The following LYN variants were observed in gnomAD, a reference collection of about 807,000 sequenced individuals.
LYN encodes LYN proto-oncogene, Src family tyrosine kinase, also known as tyrosine-protein kinase Lyn.
LYN carries 12 observed loss-of-function variants against 65.0 expected under a neutral mutation model. The observed-to-expected ratio is 0.18, with a 90% CI of 0.12 to 0.30. LYN has a LOEUF of 0.30. Among genes scored for constraint, LYN ranks in the 10% least tolerant of loss-of-function variants. The pLI is 1.00. For synonymous variants in LYN, 222 were observed against 221.2 expected (o/e 1.00, Z -0.03); for missense variants, 380 against 623.2 (o/e 0.61, Z 4.16).
In LYN at chr8:55,911,079, A is replaced by G. The variant is rs1340231590; in HGVS notation, c.-5-30776A>G. 2.5e-4 allele frequency among the ~76,000 whole-genome samples: 2 copies of G among 8,066 alleles called. 1 individual carries two copies. The highest frequency in any genetic ancestry group is 4.1e-4 in the Non-Finnish European group (2 of 4,926). The allele number at this position is 8,066 out of a possible 152,430, so 5.3% of individuals were successfully genotyped here. On this transcript the variant is annotated intron_variant, in intron 1 of 12. Coordinates refer to ENST00000519728, the MANE Select transcript of LYN (RefSeq NM_002350.4). ...GTCCGGCTAATTTATATATATATAC[A>G]TACATATATATATATATATACATAC...
rs1585692513 is a variant in LYN at position 56,012,041 on chromosome 8, C to T, written c.*1931C>T. On this transcript the variant is annotated 3_prime_UTR_variant, in exon 13 of 13. Coordinates refer to ENST00000519728, the MANE Select transcript of LYN (RefSeq NM_002350.4). ...AATTTATCTTCGCCTTGTTTTGCTT[C>T]TCCCAGTTCCTCCTCTTCTTGCCAT... 1.6e-5 allele frequency: 3 copies of T among 190,214 alleles called. No individual in the cohort carries two copies. Among genetic ancestry groups the T allele is most frequent in the South Asian group, 1.9e-4 (1 of 5,152 alleles). 11.8% of individuals were successfully genotyped at this position (190,214 alleles called of 1,614,324 possible). A position where few individuals can be genotyped will look rare whatever the true frequency, so the allele number is the denominator to read the frequency against.
At chr8:55,886,208 A>G (rs1042183664) in intron 1 of LYN, among the ~76,000 whole-genome samples, 9 of 151,940 alleles carry the variant, frequency 5.9e-5, no homozygotes, top group African/African-American at 2.2e-4. Flanking sequence ...TTCCTTGTTA[A>G]ATTCTTGGGA....
intron 10 of LYN, 95 bp from the exon 11 acceptor site, chr8:55,998,251 G>C: frequency 1.1e-6 from 1 of 909,652 alleles, no homozygotes; most frequent in East Asian, 2.5e-5. Context: ...TACATGAAAA[G>C]ATTTCAGGAA....
intron 10 of LYN, among the ~76,000 whole-genome samples, chr8:55,981,659 A>C (rs1186887942): frequency 6.6e-6 from 1 of 152,176 alleles, no homozygotes; most frequent in Non-Finnish European, 1.5e-5. Flanking sequence ...CCCGGCCAGA[A>C]CACATGCTTT....
chr8:55,950,651 T>C (rs771077655), intron 5 of LYN, 30 bp from the exon 6 acceptor site: 19 of 1,581,866 alleles, frequency 1.2e-5, no homozygotes, highest in Non-Finnish European at 1.7e-5. Flanking sequence ...TGGAACATAA[T>C]ATGCAGGAAA....
intron 10 of LYN, among the ~76,000 whole-genome samples, chr8:55,989,186 T>G (rs1457079425): frequency 6.6e-6 from 1 of 152,196 alleles, no homozygotes; most frequent in East Asian, 1.9e-4. Flanking sequence ...TTTCACCGTG[T>G]GGGATGCTGG....
chr8:56,013,593 C>T lies in LYN; in HGVS notation c.*3483C>T, dbSNP rs1808874709. The T allele has an allele frequency of 1.3e-5, 2 of 152,144 alleles. No homozygotes were observed. The highest frequency in any genetic ancestry group is 1.3e-4 in the Admixed American group (2 of 15,260). The allele number at this position is 152,144 out of a possible 1,614,324, so 9.4% of individuals were successfully genotyped here. A position where few individuals can be genotyped will look rare whatever the true frequency, so the allele number is the denominator to read the frequency against. On this transcript the variant is annotated 3_prime_UTR_variant, in exon 13 of 13. Transcript: ENST00000519728. ...GTCGGGGTCTGCTTTCTCTTTATTCCCCGTCCTCTCACAAACTACATCCAG... is the reference window on the plus strand; with the variant it reads ...GTCGGGGTCTGCTTTCTCTTTATTCTCCGTCCTCTCACAAACTACATCCAG...
At chr8:55,975,772 G>A (rs897237526) in intron 10 of LYN, among the ~76,000 whole-genome samples, 4 of 119,258 alleles carry the variant, frequency 3.4e-5, no homozygotes, top group Non-Finnish European at 6.5e-5. Flanking sequence ...ATAGGAAACT[G>A]TCATTTAAAA....
chr8:55,914,210 TGAGGTGTAGGA>T (rs749134689), intron 1 of LYN, among the ~76,000 whole-genome samples: 1 of 150,422 alleles, frequency 6.6e-6, no homozygotes, highest in Non-Finnish European at 1.5e-5. Flanking sequence ...GGATGGCCTG[TGAGGTGTAGGA>T]GGGTCTGGAG....
chr8:55,949,737 GTCTC>G (rs141389031), intron 4 of LYN, among the ~76,000 whole-genome samples: 1 of 151,496 alleles, frequency 6.6e-6, no homozygotes, highest in Non-Finnish European at 1.5e-5. Flanking sequence ...TCTTTTCTTT[GTCTC>G]TCTCTCTCTC....
intron 12 of LYN, among the ~76,000 whole-genome samples, chr8:56,004,202 G>A (rs1808613266): frequency 6.6e-6 from 1 of 151,296 alleles, no homozygotes; most frequent in Admixed American, 6.6e-5. Context: ...AAAGTGCTGG[G>A]ATTACAGGTG....
chr8:55,884,986 C>T (rs1308993434), intron 1 of LYN, among the ~76,000 whole-genome samples: 3 of 152,180 alleles, frequency 2.0e-5, no homozygotes, highest in African/African-American at 7.2e-5. Flanking sequence ...TGGTATAGAA[C>T]TCTTCCATGG....
At chr8:55,972,986 T>C (rs1807652178) in intron 10 of LYN, among the ~76,000 whole-genome samples, 1 of 152,168 alleles carries the variant, frequency 6.6e-6, no homozygotes, top group Non-Finnish European at 1.5e-5. Context: ...CAAGGGGTGG[T>C]TAAATTCAGC....
chr8:55,987,900 G>C (rs901295518), intron 10 of LYN, among the ~76,000 whole-genome samples: 4 of 152,146 alleles, frequency 2.6e-5, no homozygotes, highest in African/African-American at 4.8e-5. Context: ...TTATTTTAAC[G>C]ACTAACATGC....
At chr8:56,004,221 C>T (rs192254336) in intron 12 of LYN, among the ~76,000 whole-genome samples, 342 of 151,250 alleles carry the variant, frequency 2.3e-3, no homozygotes, top group African/African-American at 7.6e-3. Context: ...TGTGAGTCAC[C>T]GCACCCGGCC....
At chr8:55,891,475 T>A (rs1478651905) in intron 1 of LYN, among the ~76,000 whole-genome samples, 1 of 151,896 alleles carries the variant, frequency 6.6e-6, no homozygotes, top group Non-Finnish European at 1.5e-5. Context: ...TAATGTGAGG[T>A]TCCTCAAATA....
intron 1 of LYN, among the ~76,000 whole-genome samples, chr8:55,919,879 C>T (rs1056964697): frequency 2.2e-5 from 3 of 137,438 alleles, no homozygotes; most frequent in Admixed American, 7.3e-5. Context: ...CTTTATAATT[C>T]TTTGTACCTG....
chr8:55,981,117 C>T (rs1185549254), intron 10 of LYN, among the ~76,000 whole-genome samples: 1 of 152,206 alleles, frequency 6.6e-6, no homozygotes, highest in African/African-American at 2.4e-5. Context: ...ACGCTCTTCC[C>T]TATCCCAGTG....
In LYN at chr8:55,966,698, T is replaced by G; in HGVS notation, c.791-17T>G. 1 of 1,608,640 alleles carries G rather than the reference T, an allele frequency of 6.2e-7. No homozygotes were observed. Among genetic ancestry groups the G allele is most frequent in the Non-Finnish European group, 8.5e-7 (1 of 1,177,106 alleles). On this transcript the variant is annotated splice_polypyrimidine_tract_variant and intron_variant, in intron 8 of 12. Coordinates refer to ENST00000519728, the MANE Select transcript of LYN (RefSeq NM_002350.4). ...TTCTGTTTTATAAAGCATGCCCGCC[T>G]TCTTTTTTCTTCCTAGGTTACTATA...
Sources: gnomAD v4.1 joint callset for allele counts (sites outside exome capture counted in the v4.1 genomes callset) on GRCh38, gnomAD v4.1.1 for gene constraint, MANE v1.5 for transcripts, NCBI Gene and HGNC (gene_info 2026-07-23, HGNC 2026-07-21) for gene names.